Variants in THSD7A observed in about 807,000 individuals in gnomAD.
THSD7A encodes thrombospondin type 1 domain containing 7A, also known as thrombospondin type-1 domain-containing protein 7A.
THSD7A carries 96 observed loss-of-function variants against 231.3 expected under a neutral mutation model. The observed-to-expected ratio is 0.41, with a 90% confidence interval of 0.35 to 0.49. The LOEUF is 0.49. Ranked by LOEUF, THSD7A falls within the 20% of genes least tolerant of loss-of-function variation. The probability of loss-of-function intolerance (pLI) is 0.05; values close to 1 mark genes in which losing one functional copy is unlikely to be tolerated. For synonymous variants in THSD7A, 940 were observed against 743.3 expected (o/e 1.26, Z -4.30); for missense variants, 2,290 against 2,070.2 (o/e 1.11, Z -2.06).
At chr7:11,561,759 C>A (rs183700979) in intron 4 of THSD7A, among the ~76,000 whole-genome samples, 1 of 152,018 alleles carries the variant, frequency 6.6e-6, no homozygotes, top group African/African-American at 2.4e-5. Context: ...GGCTGAGGCA[C>A]AAGAATTGCT....
In THSD7A at chr7:11,636,529, T is replaced by C. The variant is rs756393021; in HGVS notation, c.623A>G (p.Lys208Arg). 1 of 1,613,944 alleles carries C rather than the reference T, an allele frequency of 6.2e-7. No individual in the cohort carries two copies. Among genetic ancestry groups the C allele is most frequent in the South Asian group, 1.1e-5 (1 of 91,076 alleles). ...SEFSAWSECS[K>R]TCGSGLQHRT... ...GTGCTGGAGCCCGCTGCCGCAGGTCTTGGAGCATTCGGACCAGGCAGAAAA... is the reference window on the plus strand; with the variant it reads ...GTGCTGGAGCCCGCTGCCGCAGGTCCTGGAGCATTCGGACCAGGCAGAAAA... The change falls in exon 2 of 28, where the codon AAG (lysine) becomes AGG (arginine). Residue 208 changes from lysine to arginine, a missense_variant. By Grantham distance (26) the Lys-to-Arg change is conservative (BLOSUM62 2). Transcript: ENST00000423059. The surrounding 1 kb of genome is among the most constrained non-coding windows in gnomAD (Gnocchi z 10.0).
intron 6 of THSD7A, among the ~76,000 whole-genome samples, chr7:11,504,596 C>G (rs1787469272): frequency 6.6e-6 from 1 of 152,092 alleles, no homozygotes; most frequent in South Asian, 2.1e-4. Flanking sequence ...CTGGAGCTAT[C>G]TATATGAAGT....
intron 6 of THSD7A, among the ~76,000 whole-genome samples, chr7:11,488,491 C>A (rs2128306788): frequency 6.6e-6 from 1 of 152,166 alleles, no homozygotes; most frequent in East Asian, 1.9e-4. Context: ...TCTTCACTCC[C>A]CTTCTCAAAA....
intron 2 of THSD7A, among the ~76,000 whole-genome samples, chr7:11,617,242 T>C (rs1283827282): frequency 6.6e-6 from 1 of 152,206 alleles, no homozygotes; most frequent in African/African-American, 2.4e-5. Flanking sequence ...GTACAATACA[T>C]GCATAACATA....
chr7:11,388,811 C>A (rs1182051345), intron 23 of THSD7A, among the ~76,000 whole-genome samples: 1 of 151,930 alleles, frequency 6.6e-6, no homozygotes, highest in African/African-American at 2.4e-5. Context: ...GTGCTATAAA[C>A]TTCCCTCTGG....
intron 6 of THSD7A, among the ~76,000 whole-genome samples, chr7:11,535,155 C>T (rs922671437): frequency 6.6e-6 from 1 of 152,122 alleles, no homozygotes; most frequent in Non-Finnish European, 1.5e-5. Context: ...GATGTCTCTG[C>T]TGAATCTACC....
At chr7:11,418,682 C>A (rs1355082125) in intron 16 of THSD7A, among the ~76,000 whole-genome samples, 5 of 152,154 alleles carry the variant, frequency 3.3e-5, no homozygotes, top group Admixed American at 3.3e-4. Flanking sequence ...TCTGCAGAGT[C>A]ACCTTGCTAT....
At chr7:11,583,250 A>C (rs2128338351) in intron 4 of THSD7A, among the ~76,000 whole-genome samples, 1 of 151,990 alleles carries the variant, frequency 6.6e-6, no homozygotes, top group South Asian at 2.1e-4. Context: ...ATCTTTAATA[A>C]GTTTTTAGCA....
chr7:11,575,501 T>C (rs1054470430), intron 4 of THSD7A, among the ~76,000 whole-genome samples: 6 of 152,236 alleles, frequency 3.9e-5, no homozygotes, highest in African/African-American at 1.4e-4. Context: ...CATTTGAGGA[T>C]GCTTATCCTA....
intron 1 of THSD7A, among the ~76,000 whole-genome samples, chr7:11,794,344 T>A (rs918144056): frequency 2.0e-5 from 3 of 152,016 alleles, no homozygotes; most frequent in Non-Finnish European, 4.4e-5. Flanking sequence ...TAATTGAGAA[T>A]TTCATATTGA....
intron 6 of THSD7A, among the ~76,000 whole-genome samples, chr7:11,527,822 A>C (rs916922665): frequency 2.0e-5 from 3 of 152,088 alleles, no homozygotes; most frequent in Non-Finnish European, 4.4e-5. Context: ...CAATGAAGAG[A>C]CTTTACTGGT....
intron 1 of THSD7A, among the ~76,000 whole-genome samples, chr7:11,713,994 G>C (rs551271159): frequency 1.3e-4 from 20 of 151,236 alleles, no homozygotes; most frequent in African/African-American, 4.1e-4. Context: ...ATCAGAGTGC[G>C]TCATATACAA....
rs536316114 is a variant in THSD7A at position 11,830,900 on chromosome 7, T to C, written c.190+857A>G. On this transcript the variant is annotated intron_variant, in intron 1 of 27. Coordinates refer to ENST00000423059, the MANE Select transcript of THSD7A (RefSeq NM_015204.3). ...AGCTCTAAGCAACAGGAATAATCTT[T>C]TCCCATTTTATTCCTATGAACATGT... Among the ~76,000 whole-genome samples the C allele has an allele frequency of 2.2e-4, 33 of 152,360 alleles. No homozygotes were observed. The South Asian group carries it at 2.5e-3, about 11-fold the overall frequency.
chr7:11,712,947 A>G (rs1781014838), intron 1 of THSD7A, among the ~76,000 whole-genome samples: 1 of 151,112 alleles, frequency 6.6e-6, no homozygotes, highest in Non-Finnish European at 1.5e-5. Flanking sequence ...TTCTAAGCCT[A>G]GGAATAAGCA....
intron 4 of THSD7A, among the ~76,000 whole-genome samples, chr7:11,552,636 T>C (rs1789678771): frequency 6.6e-6 from 1 of 152,100 alleles, no homozygotes; most frequent in African/African-American, 2.4e-5. Context: ...CATTTTCCTT[T>C]TTAACAAAGA....
chr7:11,553,459 C>A (rs1181720431), intron 4 of THSD7A, among the ~76,000 whole-genome samples: 1 of 151,984 alleles, frequency 6.6e-6, no homozygotes, highest in Non-Finnish European at 1.5e-5. Flanking sequence ...AAGGACAGAC[C>A]TAGGAAAAAT....
intron 6 of THSD7A, among the ~76,000 whole-genome samples, chr7:11,535,922 C>T (rs949681349): frequency 6.6e-6 from 1 of 152,088 alleles, no homozygotes; most frequent in Non-Finnish European, 1.5e-5. Context: ...ACCACTCTCC[C>T]TTGTACATTA....
At chr7:11,507,794 A>G (rs1787616412) in intron 6 of THSD7A, among the ~76,000 whole-genome samples, 2 of 152,274 alleles carry the variant, frequency 1.3e-5, no homozygotes, top group South Asian at 2.1e-4. Flanking sequence ...CAACTTATGG[A>G]TGGGAAAAAT....
intron 1 of THSD7A, among the ~76,000 whole-genome samples, chr7:11,745,224 G>C (rs974801703): frequency 6.6e-6 from 1 of 151,928 alleles, no homozygotes; most frequent in African/African-American, 2.4e-5. Flanking sequence ...TGTGTCTTTT[G>C]GCTGCATAAA....
Sources: gnomAD v4.1 joint callset for allele counts (sites outside exome capture counted in the v4.1 genomes callset) on GRCh38, gnomAD v4.1.1 for gene constraint, Gnocchi (gnomAD v3.1) non-coding constraint, MANE v1.5 for transcripts, NCBI Gene and HGNC (gene_info 2026-07-23, HGNC 2026-07-21) for gene names.